Variants in MAN1A1 observed in about 807,000 individuals in gnomAD.
MAN1A1 encodes mannosidase alpha class 1A member 1, also known as mannosyl-oligosaccharide 1,2-alpha-mannosidase IA.
In MAN1A1, 29 loss-of-function variants were observed where a neutral mutation model predicts 70.8. The ratio of observed to expected loss-of-function variants is 0.41; its 90% confidence interval spans 0.31 to 0.56. The LOEUF (loss-of-function observed/expected upper bound fraction) is 0.56. MAN1A1 is among the 20% of genes least tolerant of loss of function. The pLI is 0.29. For synonymous variants in MAN1A1, 349 were observed against 330.1 expected, an observed-to-expected ratio of 1.06 and a Z score of -0.62; for missense variants, 747 against 841.3, an observed-to-expected ratio of 0.89 and a Z score of 1.39.
chr6:119,212,043 T>C (rs1247601728), intron 6 of MAN1A1, among the ~76,000 whole-genome samples: 1 of 151,962 alleles, frequency 6.6e-6, no homozygotes, highest in Non-Finnish European at 1.5e-5. Flanking sequence ...GGTTTCACCA[T>C]GTTAGCCAGG....
intron 6 of MAN1A1, among the ~76,000 whole-genome samples, chr6:119,221,694 C>T (rs1774366144): frequency 6.6e-6 from 1 of 152,110 alleles, no homozygotes; most frequent in South Asian, 2.1e-4. Context: ...CTCAAGTAAT[C>T]TACCCACCTT....
At chr6:119,191,361 C>T (rs1773437514) in intron 9 of MAN1A1, among the ~76,000 whole-genome samples, 2 of 152,068 alleles carry the variant, frequency 1.3e-5, no homozygotes, top group Admixed American at 1.3e-4. Context: ...GTTATGGATC[C>T]TAAATAAAGT....
intron 6 of MAN1A1, among the ~76,000 whole-genome samples, chr6:119,224,583 T>C (rs1362504194): frequency 6.6e-6 from 1 of 152,146 alleles, no homozygotes; most frequent in Non-Finnish European, 1.5e-5. Context: ...GAACGTAATA[T>C]ATCAAAAGCT....
chr6:119,326,067 G>C (rs1478161651), intron 2 of MAN1A1, among the ~76,000 whole-genome samples: 1 of 152,224 alleles, frequency 6.6e-6, no homozygotes, highest in Non-Finnish European at 1.5e-5. Context: ...TCCGAGGGGA[G>C]TGGGTGGATG....
chr6:119,306,885 C>A lies in MAN1A1; in HGVS notation c.700+11G>T. The A allele has an allele frequency of 6.5e-7, 1 of 1,539,210 alleles. No individual in the cohort carries two copies. Among genetic ancestry groups the A allele is most frequent in the Non-Finnish European group, 9.0e-7 (1 of 1,112,662 alleles). Reference sequence around the variant, plus strand: ...TTATCGTCACTAAGAAACCAAAGCACATCTACTCACCAAACAAACTGCTTG... The same window carrying A: ...TTATCGTCACTAAGAAACCAAAGCAAATCTACTCACCAAACAAACTGCTTG... On this transcript the variant is annotated intron_variant, in intron 3 of 12. Transcript: ENST00000368468.
chr6:119,236,466 G>A (rs933672877), intron 6 of MAN1A1, among the ~76,000 whole-genome samples: 1 of 152,102 alleles, frequency 6.6e-6, no homozygotes, highest in African/African-American at 2.4e-5. Flanking sequence ...CCAGCACATA[G>A]GAAGGCTGAG....
At chr6:119,225,089 A>G (rs999823491) in intron 6 of MAN1A1, among the ~76,000 whole-genome samples, 2 of 152,138 alleles carry the variant, frequency 1.3e-5, no homozygotes, top group African/African-American at 4.8e-5. Context: ...GGTTGCAGTG[A>G]GCCAAGATTG....
At chr6:119,319,858 T>A (rs1371760161) in intron 2 of MAN1A1, among the ~76,000 whole-genome samples, 1 of 152,208 alleles carries the variant, frequency 6.6e-6, no homozygotes, top group African/African-American at 2.4e-5. Context: ...TCAATGGGTA[T>A]CTTTGCTTTC....
At chr6:119,278,862 C>A (rs914329619) in intron 5 of MAN1A1, among the ~76,000 whole-genome samples, 4 of 152,176 alleles carry the variant, frequency 2.6e-5, no homozygotes, top group Admixed American at 6.5e-5. Context: ...CCTGCTCCCC[C>A]ACTGCCTTCT....
intron 9 of MAN1A1, among the ~76,000 whole-genome samples, chr6:119,193,171 GA>G (rs963053685): frequency 1.3e-5 from 2 of 150,426 alleles, no homozygotes; most frequent in Admixed American, 1.3e-4. Flanking sequence ...CTGTGAGAGA[GA>G]AAAAAACCCA....
chr6:119,327,494 A>T (rs947540949), intron 2 of MAN1A1: 1 of 145,310 alleles, frequency 6.9e-6, no homozygotes, highest in African/African-American at 2.6e-5. Flanking sequence ...GGTTCAGGCG[A>T]TTCTCCTGCC....
chr6:119,188,618 G>A (rs371278230), intron 10 of MAN1A1, 41 bp from the exon 11 acceptor site: 2 of 1,557,308 alleles, frequency 1.3e-6, no homozygotes, highest in South Asian at 2.3e-5. Flanking sequence ...TATTTTCCTG[G>A]ACAGTGCTTA....
At chr6:119,215,521 T>C (rs761674137) in intron 6 of MAN1A1, among the ~76,000 whole-genome samples, 1 of 152,212 alleles carries the variant, frequency 6.6e-6, no homozygotes, top group African/African-American at 2.4e-5. Flanking sequence ...ACTAGACTAA[T>C]ACCAGACTTT....
chr6:119,287,367 T>C (rs1776404333), intron 5 of MAN1A1, among the ~76,000 whole-genome samples: 1 of 152,138 alleles, frequency 6.6e-6, no homozygotes, highest in Non-Finnish European at 1.5e-5. Flanking sequence ...CAAATAATGT[T>C]ACATGGTATA....
intron 2 of MAN1A1, among the ~76,000 whole-genome samples, chr6:119,342,781 T>C (rs1773630876): frequency 6.6e-6 from 1 of 152,214 alleles, no homozygotes; most frequent in African/African-American, 2.4e-5. Context: ...CATTCTTCTA[T>C]TATCCATGGT....
intron 2 of MAN1A1, among the ~76,000 whole-genome samples, chr6:119,333,836 ATTCT>A (rs1773382751): frequency 2.0e-5 from 3 of 152,196 alleles, no homozygotes; most frequent in Non-Finnish European, 2.9e-5. Context: ...AAATGTCTAA[ATTCT>A]AGTGCCTTTA....
chr6:119,187,370 A>G (rs1773319153), intron 11 of MAN1A1, among the ~76,000 whole-genome samples: 1 of 152,220 alleles, frequency 6.6e-6, no homozygotes, highest in East Asian at 1.9e-4. Flanking sequence ...TTTTCTCCAG[A>G]GGAAAAAAAC....
At chr6:119,212,257 T>G (rs572145427) in intron 6 of MAN1A1, among the ~76,000 whole-genome samples, 318 of 152,232 alleles carry the variant, frequency 2.1e-3, no homozygotes, top group Non-Finnish European at 3.5e-3. Flanking sequence ...GCTACAAGTC[T>G]GGCACCATTA....
intron 8 of MAN1A1, among the ~76,000 whole-genome samples, chr6:119,196,544 C>T (rs1416767011): frequency 6.6e-6 from 1 of 152,066 alleles, no homozygotes; most frequent in Non-Finnish European, 1.5e-5. Flanking sequence ...TTTTTATGTC[C>T]AACTGCTCTA....
Sources: gnomAD v4.1 joint callset for allele counts (sites outside exome capture counted in the v4.1 genomes callset) on GRCh38, gnomAD v4.1.1 for gene constraint, MANE v1.5 for transcripts, NCBI Gene and HGNC (gene_info 2026-07-23, HGNC 2026-07-21) for gene names.